The following ABCA12 variants were observed in gnomAD, a reference collection of about 807,000 sequenced individuals.
ABCA12 encodes glucosylceramide transporter ABCA12.
ABCA12 carries 156 observed loss-of-function variants against 293.5 expected under a neutral mutation model. That is an observed-to-expected ratio of 0.53 (90% CI 0.47 to 0.61). The LOEUF (loss-of-function observed/expected upper bound fraction) is 0.61. ABCA12 is among the 20% of genes least tolerant of loss of function. ABCA12 has a pLI of 0.00. For missense variants in ABCA12, 2,797 were observed against 3,090.2 expected (o/e 0.91, Z 2.25); for synonymous variants, 1,063 against 1,108.0 (o/e 0.96, Z 0.81).
At chr2:214,968,915 ATT>A in intron 37 of ABCA12, 108 bp from the exon 38 acceptor site, 2 of 854,308 alleles carry the variant, frequency 2.3e-6, no homozygotes, top group Non-Finnish European at 3.9e-6. Flanking sequence ...TTAGGAACAC[ATT>A]TACAGTATAA....
intron 2 of ABCA12, among the ~76,000 whole-genome samples, chr2:215,099,099 C>T (rs1188773618): frequency 6.6e-6 from 1 of 152,196 alleles, no homozygotes; most frequent in African/African-American, 2.4e-5. Flanking sequence ...GTGTGATGCT[C>T]TAAGGCATTT....
At chr2:215,079,831 T>G (rs1380813385) in intron 2 of ABCA12, among the ~76,000 whole-genome samples, 1 of 152,184 alleles carries the variant, frequency 6.6e-6, no homozygotes, top group African/African-American at 2.4e-5. Flanking sequence ...CTTTCAACAT[T>G]AAGATAGGCT....
rs139799414 is a variant in ABCA12 at position 215,133,447 on chromosome 2, C to T, written c.69+4693G>A. 8.2e-4 allele frequency among the ~76,000 whole-genome samples: 125 copies of T among 151,970 alleles called. No homozygotes were observed. In the Middle Eastern group the frequency reaches 0.01, roughly 12 times the overall value. On this transcript the variant is annotated intron_variant, in intron 1 of 52. Transcript: ENST00000272895. Reference sequence around the variant, plus strand: ...TACATAATCTCATACTTCTCATAGACTTCGTCATCTTAATGGAAGACAAAC... The same window carrying T: ...TACATAATCTCATACTTCTCATAGATTTCGTCATCTTAATGGAAGACAAAC...
At chr2:214,979,310 T>C (rs1051376110) in intron 31 of ABCA12, among the ~76,000 whole-genome samples, 1 of 152,086 alleles carries the variant, frequency 6.6e-6, no homozygotes, top group Non-Finnish European at 1.5e-5. Flanking sequence ...TAGAGGGCTT[T>C]GGGTTCAGGC....
At chr2:215,126,715 T>A (rs1702931244) in intron 1 of ABCA12, among the ~76,000 whole-genome samples, 1 of 152,100 alleles carries the variant, frequency 6.6e-6, no homozygotes, top group African/African-American at 2.4e-5. Flanking sequence ...ATCTTGCCAG[T>A]GGTCTATTTT....
intron 31 of ABCA12, among the ~76,000 whole-genome samples, chr2:214,979,373 G>C (rs150372634): frequency 1.3e-5 from 2 of 152,012 alleles, no homozygotes; most frequent in Non-Finnish European, 2.9e-5. Context: ...TCCAGATAGC[G>C]ATGTGTCCCA....
At chr2:215,051,833 A>T (rs188910340) in intron 5 of ABCA12, among the ~76,000 whole-genome samples, 1 of 152,100 alleles carries the variant, frequency 6.6e-6, no homozygotes. Context: ...AAAGACAATA[A>T]GGGGAAGTAG....
At position 214,955,406 on chromosome 2, in the gene ABCA12, G is replaced by C. The variant is rs115333724; in HGVS notation, c.6234-45C>G. On this transcript the variant is annotated intron_variant, in intron 42 of 52. Coordinates refer to ENST00000272895, the MANE Select transcript of ABCA12 (RefSeq NM_173076.3). ...AGAATTAAAATTACGCCTCGGCCAG[G>C]CATGGTGGCTCACACCTGTAATCCT... is the stretch of plus-strand genomic sequence containing the variant. 3,337 of 1,597,234 alleles carry C rather than the reference G, an allele frequency of 2.1e-3. 74 individuals are homozygous for C. In the African/African-American group the frequency reaches 0.038, roughly 18 times the overall value.
chr2:214,975,226 G>T lies in ABCA12; in HGVS notation c.5382-362C>A, dbSNP rs776101143. Among the ~76,000 whole-genome samples the T allele has an allele frequency of 1.4e-4, 21 of 152,240 alleles. 1 individual carries two copies. The highest frequency in any genetic ancestry group is 6.8e-3 in the Middle Eastern group (2 of 294). On this transcript the variant is annotated intron_variant, in intron 34 of 52. Coordinates refer to ENST00000272895, the MANE Select transcript of ABCA12 (RefSeq NM_173076.3). ...TAATCAGCCCACCTTGGCCTCCCAA[G>T]GTTCTAGGATTACAGGCGTGAGCCA...
chr2:214,977,784 A>G (rs1699550949), intron 33 of ABCA12, among the ~76,000 whole-genome samples: 1 of 152,190 alleles, frequency 6.6e-6, no homozygotes, highest in Admixed American at 6.5e-5. Flanking sequence ...ACTCTCCCCA[A>G]AAGCAGTTTC....
At chr2:214,940,625 A>T (rs1698367083) in intron 50 of ABCA12, among the ~76,000 whole-genome samples, 1 of 151,916 alleles carries the variant, frequency 6.6e-6, no homozygotes, top group African/African-American at 2.4e-5. Context: ...GCTGTTTGTT[A>T]ATTAGTGCCT....
At chr2:215,096,612 C>T (rs187018757) in intron 2 of ABCA12, among the ~76,000 whole-genome samples, 33 of 152,276 alleles carry the variant, frequency 2.2e-4, no homozygotes, top group African/African-American at 7.5e-4. Context: ...CTTCCTCTTC[C>T]CAGTATCTTT....
rs755930237 is a variant in ABCA12, at chr2:215,138,290, G to A, written c.-82C>T. The A allele has an allele frequency of 6.2e-5, 87 of 1,406,178 alleles. No individual in the cohort carries two copies. The highest frequency in any genetic ancestry group is 7.8e-5 in the Non-Finnish European group (77 of 991,154). The allele number at this position is 1,406,178 out of a possible 1,614,324, so 87.1% of individuals were successfully genotyped here. ...GAACTGATGCCCCGTCCAACTTGCT[G>A]TATGTCAGTGTATCAGTACCCCTTT... On this transcript the variant is annotated 5_prime_UTR_variant, in exon 1 of 53. Transcript: ENST00000272895.
At chr2:214,974,148 C>A in intron 35 of ABCA12, 106 bp from the exon 36 acceptor site, 1 of 1,005,188 alleles carries the variant, frequency 9.9e-7, no homozygotes, top group East Asian at 2.5e-5. Context: ...TGTGTGTAGT[C>A]ACAGAACAAT....
In ABCA12 at chr2:214,950,899, T is replaced by A. The variant is rs778915773; in HGVS notation, c.6832A>T (p.Ile2278Phe). The A allele has an allele frequency of 3.1e-6, 5 of 1,614,048 alleles. No individual in the cohort carries two copies. The African/African-American group carries it at 5.3e-5, about 17-fold the overall frequency. Reference protein sequence around the residue: ...KKIIAVNNISIGIPAGECFGL... With the variant: ...KKIIAVNNISFGIPAGECFGL... ...CTTACCTCTCCAGCAGGTATCCCAA[T>A]GCTGATGTTGTTTACAGCTATAATC... is the stretch of plus-strand genomic sequence containing the variant. Residue 2278 changes from isoleucine (I) to phenylalanine (F), a missense_variant, in exon 45 of 53, where the codon ATT becomes TTT. Coordinates refer to ENST00000272895, the MANE Select transcript of ABCA12 (RefSeq NM_173076.3).
rs935474091 is a variant in ABCA12, at chr2:214,974,708, C to T, written c.5468+70G>A. On this transcript the variant is annotated intron_variant, in intron 35 of 52. Transcript: ENST00000272895. ...TCCAGGCAAATAACAGACACACACA[C>T]CCACATACACATGCACACACTCAAA... 8 of 1,395,068 alleles carry T rather than the reference C, an allele frequency of 5.7e-6. No individual in the cohort carries two copies. The African/African-American group carries it at 1.0e-4, about 17-fold the overall frequency. The allele number at this position is 1,395,068 out of a possible 1,614,324, so 86.4% of individuals were successfully genotyped here.
chr2:215,038,499 G>A (rs1274804386), intron 7 of ABCA12, among the ~76,000 whole-genome samples: 1 of 152,178 alleles, frequency 6.6e-6, no homozygotes, highest in East Asian at 1.9e-4. Context: ...TTGTCACCCA[G>A]CTGTGTTCCG....
chr2:214,947,100 CTACCA>C (rs1698605361), intron 48 of ABCA12, among the ~76,000 whole-genome samples: 1 of 152,176 alleles, frequency 6.6e-6, no homozygotes, highest in Non-Finnish European at 1.5e-5. Context: ...GAATCAGATG[CTACCA>C]TATTCCGTAA....
chr2:215,051,028 C>T (rs1337481307), intron 5 of ABCA12, among the ~76,000 whole-genome samples: 1 of 152,046 alleles, frequency 6.6e-6, no homozygotes. Flanking sequence ...AAATTCTATT[C>T]CATATGAGAA....
Sources: allele counts gnomAD v4.1 joint callset (sites outside exome capture counted in the v4.1 genomes callset), GRCh38; gene constraint gnomAD v4.1.1; transcripts MANE v1.5; gene names NCBI Gene and HGNC (gene_info 2026-07-23, HGNC 2026-07-21).